TMEM255A: variants seen among roughly 807,000 people sequenced by gnomAD.
The protein encoded by TMEM255A is family with sequence similarity 70, member A.
In TMEM255A, 14 loss-of-function variants were observed where a neutral mutation model predicts 23.5. That is an observed-to-expected ratio of 0.60 (90% CI 0.39 to 0.93). The LOEUF (loss-of-function observed/expected upper bound fraction) is 0.93, where lower values mean the gene tolerates loss of function less well. Ranked by LOEUF, TMEM255A falls within the 40% of genes least tolerant of loss-of-function variation. The probability of loss-of-function intolerance (pLI) is 0.00; values close to 1 mark genes in which losing one functional copy is unlikely to be tolerated. For synonymous variants in TMEM255A, 104 were observed against 100.3 expected (o/e 1.04, Z -0.22); for missense variants, 233 against 261.7 (o/e 0.89, Z 0.76).
At chrX:120,301,141 G>GCTA (rs1299145912) in intron 2 of TMEM255A, among the ~76,000 whole-genome samples, 1 of 111,541 alleles carries the variant, frequency 9.0e-6, no homozygotes, top group East Asian at 2.8e-4. Context: ...AGGTAGAGTA[G>GCTA]CTAACATGCC....
At chrX:120,309,565 C>T (rs189904197) in intron 1 of TMEM255A, among the ~76,000 whole-genome samples, 1 of 113,105 alleles carries the variant, frequency 8.8e-6, no homozygotes, top group Non-Finnish European at 1.9e-5. Flanking sequence ...AACCCCAGCA[C>T]TCTTCCACTC....
chrX:120,286,345 G>A (rs1255689318), intron 5 of TMEM255A, among the ~76,000 whole-genome samples: 1 of 111,798 alleles, frequency 8.9e-6, no homozygotes, highest in Non-Finnish European at 1.9e-5. Flanking sequence ...TAACTATTTG[G>A]GAATGATTGA....
intron 2 of TMEM255A, among the ~76,000 whole-genome samples, chrX:120,297,100 TTA>T (rs1290589261): frequency 1.6e-4 from 4 of 25,552 alleles, no homozygotes; most frequent in Non-Finnish European, 2.2e-4. Flanking sequence ...ATATATAATA[TTA>T]TATATATTAT....
chrX:120,309,813 A>T (rs183278032), intron 1 of TMEM255A: 1 of 110,337 alleles, frequency 9.1e-6, no homozygotes, highest in Admixed American at 9.5e-5. Flanking sequence ...AGTAAGGGGG[A>T]GTCTGGTACT....
rs2057672015 is a variant in TMEM255A at position 120,260,656 on chromosome X, G to A, written c.*214C>T. ...GGCTGGCTCCCCAGTCTTGCTTAGA[G>A]AATGTGAGCTGCCCTTCTGTGCTGC... On this transcript the variant is annotated 3_prime_UTR_variant, in exon 9 of 9. Transcript: ENST00000371369. 1 of 411,765 alleles carries A rather than the reference G, an allele frequency of 2.4e-6. No homozygotes were observed. Among genetic ancestry groups the A allele is most frequent in the Non-Finnish European group, 3.9e-6 (1 of 256,438 alleles). The allele number at this position is 411,765 out of a possible 1,213,427, so 33.9% of individuals were successfully genotyped here.
At chrX:120,299,243 A>T (rs782580907) in intron 2 of TMEM255A, among the ~76,000 whole-genome samples, 1 of 112,249 alleles carries the variant, frequency 8.9e-6, no homozygotes, top group East Asian at 2.8e-4. Flanking sequence ...TCCTGGGCTC[A>T]GGCAATCCTC....
At chrX:120,278,180 A>C (rs1556020226) in intron 6 of TMEM255A, among the ~76,000 whole-genome samples, 1 of 87,265 alleles carries the variant, frequency 1.1e-5, no homozygotes, top group African/African-American at 4.4e-5. Flanking sequence ...TTGAATGTGA[A>C]AGGAAAGGTC....
chrX:120,267,892 A>G (rs112215105), intron 8 of TMEM255A, among the ~76,000 whole-genome samples: 3,051 of 111,311 alleles, frequency 0.027, 97 homozygotes, highest in African/African-American at 0.094. Flanking sequence ...ACTGTTGCAC[A>G]GGGGTCCATG....
intron 7 of TMEM255A, among the ~76,000 whole-genome samples, chrX:120,272,957 G>A (rs1556019085): frequency 9.0e-6 from 1 of 110,742 alleles, no homozygotes; most frequent in African/African-American, 3.3e-5. Context: ...GGCCAGGCTA[G>A]TTTCAAACTC....
At chrX:120,309,841 G>A (rs2058088070) in intron 1 of TMEM255A, 1 of 111,658 alleles carries the variant, frequency 9.0e-6, no homozygotes, top group Admixed American at 9.4e-5. Context: ...TCGGGATTCG[G>A]ACCAAGTCCT....
intron 1 of TMEM255A, among the ~76,000 whole-genome samples, chrX:120,306,659 T>C (rs2058067255): frequency 8.9e-6 from 1 of 112,163 alleles, no homozygotes; most frequent in Non-Finnish European, 1.9e-5. Context: ...ACAGACTAAA[T>C]TGGAGAAGTG....
At chrX:120,296,436 T>TCTATTCTATTCTATTCTATC (rs2057956435) in intron 2 of TMEM255A, among the ~76,000 whole-genome samples, 1 of 103,831 alleles carries the variant, frequency 9.6e-6, no homozygotes, top group African/African-American at 3.5e-5. Flanking sequence ...TCTATTCTAT[T>TCTATTCTATTCTATTCTATC]CCACTCCAAT....
Position 120,304,437 on chromosome X carries a change from A to G in TMEM255A, c.113T>C (p.Ile38Thr). 1.7e-6 allele frequency: 2 copies of G among 1,210,445 alleles called. No individual in the cohort carries two copies. Among genetic ancestry groups the G allele is most frequent in the Non-Finnish European group, 2.2e-6 (2 of 894,392 alleles). ...CACTGTGAGAATTAACACGGACACA[A>G]TAAGCAAAGTCACGGTGACATAGAT... is the stretch of plus-strand genomic sequence containing the variant. ...NSIYVTVTLL[I>T]VSVLILTVGL... Residue 38 changes from isoleucine (I) to threonine (T), a missense_variant, in exon 2 of 9, where the codon ATT becomes ACT. Ile to Thr is a moderately conservative substitution (Grantham distance 89). Coordinates refer to ENST00000371369, the MANE Select transcript of TMEM255A (RefSeq NM_001104544.3).
At position 120,295,964 on chromosome X, in the gene TMEM255A, G is replaced by T. The variant is rs188521803; in HGVS notation, c.202-1913C>A. 3.6e-5 allele frequency among the ~76,000 whole-genome samples: 4 copies of T among 111,511 alleles called. No homozygotes were observed. In the East Asian group the frequency reaches 1.1e-3, roughly 31 times the overall value. On this transcript the variant is annotated intron_variant, in intron 2 of 8. Transcript: ENST00000371369. ...ATCTTATAATTATGTGCTCTATTTT[G>T]TGCTAAGAGAATTTCCTTGTTCCAT...
intron 4 of TMEM255A, among the ~76,000 whole-genome samples, chrX:120,290,511 A>T (rs1009912324): frequency 8.9e-6 from 1 of 112,713 alleles, no homozygotes; most frequent in Non-Finnish European, 1.9e-5. Context: ...TAGTATGCAT[A>T]CTATGATTGA....
At chrX:120,282,041 A>G (rs992891834) in intron 6 of TMEM255A, among the ~76,000 whole-genome samples, 7 of 111,494 alleles carry the variant, frequency 6.3e-5, no homozygotes, top group Non-Finnish European at 1.9e-5. Context: ...CCTTTCCAGG[A>G]AATGGACCGG....
the TMEM255A span, among the ~76,000 whole-genome samples, chrX:120,253,183 A>T: frequency 1.8e-5 from 2 of 111,907 alleles, no homozygotes; most frequent in East Asian, 2.8e-4. Context: ...TTACTGTTCA[A>T]ATCTCTGTAA....
At chrX:120,255,930 G>T (rs1211230360), downstream of TMEM255A, 3 of 124,091 alleles carry the variant, frequency 2.4e-5, no homozygotes, top group African/African-American at 9.8e-5. Flanking sequence ...TCAGTACTTG[G>T]GTTGTGTAAT....
At chrX:120,269,321 C>T (rs1369253157) in intron 7 of TMEM255A, among the ~76,000 whole-genome samples, 1 of 111,607 alleles carries the variant, frequency 9.0e-6, no homozygotes, top group Non-Finnish European at 1.9e-5. Flanking sequence ...GTGCTTTGTG[C>T]CACATGGATC....
Sources: gnomAD v4.1 joint callset for allele counts (sites outside exome capture counted in the v4.1 genomes callset) on GRCh38, gnomAD v4.1.1 for gene constraint, MANE v1.5 for transcripts, NCBI Gene and HGNC (gene_info 2026-07-23, HGNC 2026-07-21) for gene names.